LUZP2: variants seen among roughly 807,000 people sequenced by gnomAD.
LUZP2 encodes the protein leucine zipper protein 2.
Under a neutral mutation model 51.6 loss-of-function variants are expected in LUZP2, and 52 were observed. The observed-to-expected ratio is 1.01, with a 90% confidence interval of 0.81 to 1.27. The LOEUF (loss-of-function observed/expected upper bound fraction) is 1.27, where lower values mean the gene tolerates loss of function less well. Among genes scored for constraint, LUZP2 ranks in the 50% most tolerant of loss-of-function variants. The probability of loss-of-function intolerance (pLI) is 0.00; values close to 1 mark genes in which losing one functional copy is unlikely to be tolerated. For synonymous variants in LUZP2, 154 were observed against 137.3 expected, an observed-to-expected ratio of 1.12 and a Z score of -0.85; for missense variants, 436 against 395.4, an observed-to-expected ratio of 1.10 and a Z score of -0.87.
chr11:24,992,454 GTTT>G (rs1856378413), intron 9 of LUZP2, among the ~76,000 whole-genome samples: 1 of 152,072 alleles, frequency 6.6e-6, no homozygotes, highest in Admixed American at 6.6e-5. Flanking sequence ...GCTGCTGGCT[GTTT>G]TAATGGAATT....
chr11:24,833,974 A>G (rs1240489876), intron 5 of LUZP2, among the ~76,000 whole-genome samples: 2 of 152,124 alleles, frequency 1.3e-5, no homozygotes, highest in Non-Finnish European at 2.9e-5. Context: ...AAAGCTCATT[A>G]TTTGTATTAA....
At chr11:24,825,952 G>A (rs1421650817) in intron 5 of LUZP2, among the ~76,000 whole-genome samples, 9 of 151,686 alleles carry the variant, frequency 5.9e-5, no homozygotes, top group South Asian at 4.2e-4. Context: ...TTGGGAGGCC[G>A]AGGCGGGTGG....
intron 5 of LUZP2, chr11:24,892,773 T>C (rs1299765635): frequency 6.6e-6 from 1 of 152,292 alleles, no homozygotes; most frequent in Admixed American, 6.5e-5. Flanking sequence ...ATGTTGTTAA[T>C]TGAGGACATT....
intron 2 of LUZP2, among the ~76,000 whole-genome samples, chr11:24,730,323 A>T (rs1482389123): frequency 6.6e-6 from 1 of 151,838 alleles, no homozygotes; most frequent in African/African-American, 2.4e-5. Flanking sequence ...ACAGATAGTT[A>T]AGGGACAGAG....
chr11:24,571,932 C>T (rs934640765), intron 1 of LUZP2, among the ~76,000 whole-genome samples: 5 of 151,978 alleles, frequency 3.3e-5, no homozygotes, highest in African/African-American at 1.2e-4. Flanking sequence ...ATTTGTGTTA[C>T]TCTTTCCATA....
At chr11:25,075,704 G>A (rs112264809) in intron 10 of LUZP2, among the ~76,000 whole-genome samples, 1,624 of 152,174 alleles carry the variant, frequency 0.011, 25 homozygotes, top group African/African-American at 0.036. Context: ...GTTTTCAGGG[G>A]CCTGCAGTGA....
intron 5 of LUZP2, among the ~76,000 whole-genome samples, chr11:24,809,102 A>T (rs138781995): frequency 9.9e-4 from 151 of 152,250 alleles, no homozygotes; most frequent in Middle Eastern, 3.4e-3. Context: ...TCGCCTGGCA[A>T]TGTGGAAATG....
chr11:24,582,963 A>G (rs947093186), intron 1 of LUZP2, among the ~76,000 whole-genome samples: 2 of 152,188 alleles, frequency 1.3e-5, no homozygotes, highest in Admixed American at 1.3e-4. Flanking sequence ...AGAATAGGAC[A>G]AATTCTATGC....
intron 1 of LUZP2, among the ~76,000 whole-genome samples, chr11:24,560,354 C>T (rs1851999443): frequency 6.6e-6 from 1 of 152,026 alleles, no homozygotes; most frequent in African/African-American, 2.4e-5. Context: ...AAAGCAAATA[C>T]AAATAACGCT....
At chr11:25,015,475 G>A (rs1857122433) in intron 9 of LUZP2, among the ~76,000 whole-genome samples, 1 of 152,112 alleles carries the variant, frequency 6.6e-6, no homozygotes, top group South Asian at 2.1e-4. Context: ...ATTGTGTTAA[G>A]TCATCCTGTG....
intron 1 of LUZP2, among the ~76,000 whole-genome samples, chr11:24,685,971 C>G (rs929779105): frequency 6.6e-6 from 1 of 152,080 alleles, no homozygotes; most frequent in East Asian, 1.9e-4. Flanking sequence ...TTTAGTTGAA[C>G]TAGAAATGAG....
chr11:24,706,293 C>T (rs760432924), intron 1 of LUZP2, among the ~76,000 whole-genome samples: 1 of 151,956 alleles, frequency 6.6e-6, no homozygotes, highest in South Asian at 2.1e-4. Context: ...GCCAGGAGCT[C>T]GTTACTTATG....
At chr11:24,735,277 A>G (rs755949921) in intron 3 of LUZP2, among the ~76,000 whole-genome samples, 22 of 151,884 alleles carry the variant, frequency 1.4e-4, no homozygotes, top group Non-Finnish European at 2.7e-4. Context: ...ATATTTACAC[A>G]GCCTTGATAA....
chr11:24,620,010 C>A (rs1231365268), intron 1 of LUZP2, among the ~76,000 whole-genome samples: 1 of 152,058 alleles, frequency 6.6e-6, no homozygotes, highest in Non-Finnish European at 1.5e-5. Flanking sequence ...ATTTCTATTT[C>A]TATTCTTCTC....
intron 5 of LUZP2, among the ~76,000 whole-genome samples, chr11:24,879,179 C>T (rs1050655443): frequency 6.6e-5 from 10 of 151,926 alleles, no homozygotes; most frequent in Admixed American, 3.9e-4. Flanking sequence ...CTCCTGACCT[C>T]GTGATCCACC....
chr11:24,647,778 A>T (rs1422675036), intron 1 of LUZP2, among the ~76,000 whole-genome samples: 5 of 151,880 alleles, frequency 3.3e-5, no homozygotes, highest in Admixed American at 2.0e-4. Context: ...ATTTTTACCT[A>T]CTTCAATTAT....
At chr11:25,028,253 A>G (rs1857552525) in intron 9 of LUZP2, among the ~76,000 whole-genome samples, 1 of 152,148 alleles carries the variant, frequency 6.6e-6, no homozygotes, top group Non-Finnish European at 1.5e-5. Flanking sequence ...ATGTGCAATA[A>G]ATTATTGTCG....
At chr11:24,558,730 T>A (rs758149802) in intron 1 of LUZP2, among the ~76,000 whole-genome samples, 2 of 152,142 alleles carry the variant, frequency 1.3e-5, no homozygotes, top group Non-Finnish European at 2.9e-5. Flanking sequence ...TAAAAGTAGT[T>A]GAGGAAGCAG....
rs1267300598 is a variant in LUZP2, at chr11:25,060,962, T to G, written c.858+10832T>G. Among the ~76,000 whole-genome samples, 4 of 152,308 alleles carry G rather than the reference T, an allele frequency of 2.6e-5. No homozygotes were observed. In the East Asian group the frequency reaches 7.7e-4, roughly 29 times the overall value. On this transcript the variant is annotated intron_variant, in intron 10 of 11. Transcript: ENST00000336930. ...CTGAAATATAGTAATCTATTTTTTG[T>G]TGATTTATATTCTCCAATGTCAAAA...
Sources: gnomAD v4.1 joint callset for allele counts (sites outside exome capture counted in the v4.1 genomes callset) on GRCh38, gnomAD v4.1.1 for gene constraint, MANE v1.5 for transcripts, NCBI Gene and HGNC (gene_info 2026-07-23, HGNC 2026-07-21) for gene names.